NUAK1: variants seen among roughly 807,000 people sequenced by gnomAD.
NUAK1 encodes NUAK family kinase 1.
In NUAK1, 26 loss-of-function variants were observed where a neutral mutation model predicts 56.9. The observed-to-expected ratio is 0.46, with a 90% CI of 0.33 to 0.63. The LOEUF is 0.63. Ranked by LOEUF, NUAK1 falls within the 30% of genes least tolerant of loss-of-function variation. The pLI is 0.02. For synonymous variants in NUAK1, 337 were observed against 336.0 expected (o/e 1.00, Z -0.03); for missense variants, 727 against 876.1 (o/e 0.83, Z 2.15).
At chr12:106,088,068 A>G (rs1428551694) in intron 2 of NUAK1, among the ~76,000 whole-genome samples, 1 of 152,208 alleles carries the variant, frequency 6.6e-6, no homozygotes, top group Non-Finnish European at 1.5e-5. Context: ...TTATGTTCAA[A>G]GTCAGGGTTC....
At chr12:106,116,715 G>A (rs1029427179) in intron 1 of NUAK1, among the ~76,000 whole-genome samples, 1 of 152,224 alleles carries the variant, frequency 6.6e-6, no homozygotes, top group Non-Finnish European at 1.5e-5. Flanking sequence ...ATAAATATGA[G>A]CTGAATCAGA....
At chr12:106,124,594 C>T (rs2033008148) in intron 1 of NUAK1, among the ~76,000 whole-genome samples, 2 of 152,158 alleles carry the variant, frequency 1.3e-5, no homozygotes, top group South Asian at 4.1e-4. Context: ...TCACAAAATG[C>T]AGTTTCTAGA....
At chr12:106,120,044 CG>C (rs2032958172) in intron 1 of NUAK1, among the ~76,000 whole-genome samples, 1 of 152,130 alleles carries the variant, frequency 6.6e-6, no homozygotes, top group Non-Finnish European at 1.5e-5. Flanking sequence ...CCAAAGCATC[CG>C]ATTAACCAGC....
intron 1 of NUAK1, among the ~76,000 whole-genome samples, chr12:106,136,742 C>A (rs557965783): frequency 6.6e-6 from 1 of 152,306 alleles, no homozygotes; most frequent in South Asian, 2.1e-4. Context: ...CTTCCCAGTG[C>A]GATTCTTCAG....
At chr12:106,076,572 G>A (rs376251119) in intron 4 of NUAK1, among the ~76,000 whole-genome samples, 1 of 152,126 alleles carries the variant, frequency 6.6e-6, no homozygotes, top group Non-Finnish European at 1.5e-5. Context: ...CTCAAGGCTC[G>A]GGTCCTTAAT....
At chr12:106,117,967 T>C (rs1329188620) in intron 1 of NUAK1, among the ~76,000 whole-genome samples, 1 of 152,212 alleles carries the variant, frequency 6.6e-6, no homozygotes, top group Non-Finnish European at 1.5e-5. Flanking sequence ...CTTAATTTTA[T>C]AAAAAATGAT....
chr12:106,100,946 A>G (rs915228790), intron 2 of NUAK1, among the ~76,000 whole-genome samples: 1 of 152,252 alleles, frequency 6.6e-6, no homozygotes, highest in African/African-American at 2.4e-5. Context: ...GTATCCAAAT[A>G]GCCACTTTGG....
At chr12:106,100,356 C>A (rs2032734895) in intron 2 of NUAK1, among the ~76,000 whole-genome samples, 1 of 152,162 alleles carries the variant, frequency 6.6e-6, no homozygotes, top group African/African-American at 2.4e-5. Context: ...TTTGTCCCTT[C>A]TACCCATATA....
rs1364841523 is a variant in NUAK1, at chr12:106,067,811, G to T, written c.977C>A (p.Pro326Gln). Reference protein sequence around the residue: ...DCDALHDSESPLLARIIDWHH... With the variant: ...DCDALHDSESQLLARIIDWHH... Reference sequence around the variant, plus strand: ...CCAGTCAATGATCCGAGCCAGGAGTGGGGACTCAGAGTCATGGAGGGCATC... The same window carrying T: ...CCAGTCAATGATCCGAGCCAGGAGTTGGGACTCAGAGTCATGGAGGGCATC... The change falls in exon 7 of 7, where the codon CCA becomes CAA. Residue 326 changes from proline (P) to glutamine (Q), a missense_variant. Pro to Gln is a moderately conservative substitution (Grantham distance 76). Coordinates refer to ENST00000261402, the MANE Select transcript of NUAK1 (RefSeq NM_014840.3). The surrounding 1 kb of genome is among the most constrained non-coding windows in gnomAD (Gnocchi z 6.0). 6.2e-7 allele frequency: 1 copy of T among 1,614,236 alleles called. No homozygotes were observed.
intron 3 of NUAK1, 134 bp from the exon 4 acceptor site, chr12:106,084,063 C>T (rs1592851127): frequency 2.7e-6 from 2 of 731,010 alleles, no homozygotes; most frequent in East Asian, 5.3e-5. Flanking sequence ...GTGGTCTTCA[C>T]CTCCATCCTT....
intron 1 of NUAK1, among the ~76,000 whole-genome samples, chr12:106,123,379 A>G (rs1397662051): frequency 1.3e-5 from 2 of 152,224 alleles, no homozygotes; most frequent in African/African-American, 4.8e-5. Context: ...GCCACTAGCC[A>G]CATGGGGCTA....
At chr12:106,113,405 T>C (rs1484011467) in intron 1 of NUAK1, among the ~76,000 whole-genome samples, 2 of 151,898 alleles carry the variant, frequency 1.3e-5, no homozygotes, top group African/African-American at 4.8e-5. Flanking sequence ...TGTCCAAGGG[T>C]GGTGAGCAGA....
chr12:106,112,391 G>T (rs2032869722), intron 1 of NUAK1, among the ~76,000 whole-genome samples: 1 of 151,462 alleles, frequency 6.6e-6, no homozygotes, highest in Non-Finnish European at 1.5e-5. Flanking sequence ...TCCTGCTCTT[G>T]CCTGGGAGAT....
intron 2 of NUAK1, among the ~76,000 whole-genome samples, chr12:106,098,799 C>G (rs2032719860): frequency 6.6e-6 from 1 of 152,094 alleles, no homozygotes; most frequent in East Asian, 1.9e-4. Context: ...GGGGGTGAGA[C>G]AGTGCGCCTT....
chr12:106,080,158 A>T (rs979046945), intron 4 of NUAK1, among the ~76,000 whole-genome samples: 1 of 152,238 alleles, frequency 6.6e-6, no homozygotes, highest in African/African-American at 2.4e-5. Flanking sequence ...ATTAAGCTTC[A>T]GAGGTTTCTA....
At chr12:106,131,392 T>C (rs553074004) in intron 1 of NUAK1, among the ~76,000 whole-genome samples, 2 of 152,324 alleles carry the variant, frequency 1.3e-5, no homozygotes, top group East Asian at 3.9e-4. Context: ...ACGCTGTCTC[T>C]ATGGATTTGT....
chr12:106,089,422 C>T (rs540906263), intron 2 of NUAK1, among the ~76,000 whole-genome samples: 1 of 152,330 alleles, frequency 6.6e-6, no homozygotes, highest in East Asian at 1.9e-4. Flanking sequence ...CAATTCGGTT[C>T]AATACAGTCC....
chr12:106,131,764 C>T (rs1208551048), intron 1 of NUAK1, among the ~76,000 whole-genome samples: 1 of 152,154 alleles, frequency 6.6e-6, no homozygotes, highest in Non-Finnish European at 1.5e-5. Flanking sequence ...ATGCCCAGCC[C>T]TGGTTTTCAC....
chr12:106,111,556 T>G (rs11112872), intron 1 of NUAK1, among the ~76,000 whole-genome samples: 43,795 of 151,806 alleles, frequency 0.29, 7,434 homozygotes, highest in South Asian at 0.38. Flanking sequence ...GGAGTATTCT[T>G]GAAGTGCCTC....
Sources: allele counts gnomAD v4.1 joint callset (sites outside exome capture counted in the v4.1 genomes callset), GRCh38; gene constraint gnomAD v4.1.1; non-coding constraint Gnocchi (gnomAD v3.1); transcripts MANE v1.5; gene names NCBI Gene and HGNC (gene_info 2026-07-23, HGNC 2026-07-21).